NPC2: variants seen among roughly 807,000 people sequenced by gnomAD.
NPC2 encodes the protein NPC intracellular cholesterol transporter 2.
A neutral mutation model predicts 17.0 loss-of-function variants in NPC2; 14 were observed. The ratio of observed to expected loss-of-function variants is 0.82; its 90% CI spans 0.54 to 1.29. NPC2 has a LOEUF of 1.29. Among genes scored for constraint, NPC2 ranks in the 50% most tolerant of loss-of-function variants. The pLI is 0.00. For synonymous variants in NPC2, 75 were observed against 69.3 expected (o/e 1.08, Z -0.41); for missense variants, 167 against 183.4 (o/e 0.91, Z 0.52).
intron 1 of NPC2, among the ~76,000 whole-genome samples, chr14:74,490,301 A>C (rs2086757648): frequency 6.6e-6 from 1 of 152,214 alleles, no homozygotes; most frequent in African/African-American, 2.4e-5. Context: ...CACACTGACC[A>C]ACACTGCTCC....
At chr14:74,482,971 A>C in intron 3 of NPC2, 1 of 687,282 alleles carries the variant, frequency 1.5e-6, no homozygotes, top group Non-Finnish European at 2.7e-6. Context: ...AACAGACCAC[A>C]TCACGGGTGA....
chr14:74,487,708 T>C (rs1486208316), intron 1 of NPC2, among the ~76,000 whole-genome samples: 1 of 152,236 alleles, frequency 6.6e-6, no homozygotes, highest in Non-Finnish European at 1.5e-5. Context: ...TCTGCTATTA[T>C]TGCTTGGAAA....
chr14:74,493,309 C>G (rs1412296003), upstream of NPC2: 1 of 1,602,464 alleles, frequency 6.2e-7, no homozygotes, highest in South Asian at 1.1e-5. This position sits in a 1 kb window ranked among gnomAD's most constrained non-coding sequence, Gnocchi z 4.1. Flanking sequence ...GGGAAAGAAG[C>G]AGCGGCCGCC....
chr14:74,487,159 C>T (rs1036117250), intron 1 of NPC2, among the ~76,000 whole-genome samples: 1 of 152,060 alleles, frequency 6.6e-6, no homozygotes, highest in Non-Finnish European at 1.5e-5. Flanking sequence ...CTATGTTGGC[C>T]AGGATGGTCT....
intron 3 of NPC2, among the ~76,000 whole-genome samples, chr14:74,484,143 T>C (rs1408815810): frequency 6.6e-6 from 1 of 152,354 alleles, no homozygotes; most frequent in African/African-American, 2.4e-5. Context: ...ACAGTTCTTA[T>C]GTATGATTAA....
At chr14:74,481,669 G>A (rs2086656886) in intron 3 of NPC2, among the ~76,000 whole-genome samples, 1 of 152,230 alleles carries the variant, frequency 6.6e-6, no homozygotes, top group South Asian at 2.1e-4. Context: ...AGAGAAGTCT[G>A]TAGCTGTATG....
Position 74,493,131 on chromosome 14 carries a change from G to T in NPC2, c.82+62C>A. 6.4e-7 allele frequency: 1 copy of T among 1,552,066 alleles called. No individual in the cohort carries two copies. The highest frequency in any genetic ancestry group is 8.7e-7 in the Non-Finnish European group (1 of 1,146,282). On this transcript the variant is annotated intron_variant, in intron 1 of 4. Coordinates refer to ENST00000555619, the MANE Select transcript of NPC2 (RefSeq NM_006432.5). The surrounding 1 kb of genome is among the most constrained non-coding windows in gnomAD (Gnocchi z 4.1). ...CCAGCCCAGCCCCAGGGGTCTCAGC[G>T]CGGGGGTCCGGCGGGGCCTTCCACA...
At chr14:74,488,012 G>C (rs1388037546) in intron 1 of NPC2, among the ~76,000 whole-genome samples, 2 of 152,206 alleles carry the variant, frequency 1.3e-5, no homozygotes, top group Non-Finnish European at 2.9e-5. Flanking sequence ...CTTGTTACCG[G>C]AACCTGAAAG....
intron 3 of NPC2, among the ~76,000 whole-genome samples, chr14:74,482,148 A>G (rs975073867): frequency 1.3e-5 from 2 of 152,190 alleles, no homozygotes; most frequent in Admixed American, 6.5e-5. Flanking sequence ...AGACATGCCC[A>G]TGGTTATGTG....
At chr14:74,484,362 A>C in intron 3 of NPC2, 53 bp downstream of exon 3, 1 of 1,593,570 alleles carries the variant, frequency 6.3e-7, no homozygotes, top group Non-Finnish European at 8.6e-7. Flanking sequence ...CTGCCCTCAG[A>C]ACTCTAATCC....
At chr14:74,486,608 A>C (rs1186291095) in intron 1 of NPC2, among the ~76,000 whole-genome samples, 172 bp from the exon 2 acceptor site, 1 of 152,228 alleles carries the variant, frequency 6.6e-6, no homozygotes, top group Non-Finnish European at 1.5e-5. Flanking sequence ...AGAAGTCAGA[A>C]TCTTGATTCA....
At chr14:74,490,475 C>T (rs1229375632) in intron 1 of NPC2, among the ~76,000 whole-genome samples, 4 of 152,198 alleles carry the variant, frequency 2.6e-5, no homozygotes, top group South Asian at 2.1e-4. Flanking sequence ...AAAGAAATCC[C>T]GAACTTCAAT....
At chr14:74,493,448 C>G, upstream of NPC2, 1 of 1,463,138 alleles carries the variant, frequency 6.8e-7, no homozygotes, top group Admixed American at 2.0e-5. The surrounding 1 kb of genome is among the most constrained non-coding windows in gnomAD (Gnocchi z 4.1). Context: ...CTCCAGCCCT[C>G]TCAGGCCCAG....
chr14:74,485,093 G>C (rs2139668746), intron 2 of NPC2, among the ~76,000 whole-genome samples: 2 of 152,000 alleles, frequency 1.3e-5, no homozygotes, highest in Middle Eastern at 6.8e-3. Context: ...TCAGGAGTTT[G>C]AGACCAGCCT....
intron 1 of NPC2, among the ~76,000 whole-genome samples, chr14:74,491,063 T>C (rs1269867374): frequency 1.3e-5 from 2 of 152,114 alleles, no homozygotes; most frequent in Non-Finnish European, 2.9e-5. Context: ...GAGGATGGAA[T>C]GAGTTATTTT....
chr14:74,480,335 C>A (rs748058748), intron 4 of NPC2, 47 bp from the exon 5 acceptor site: 1 of 1,518,856 alleles, frequency 6.6e-7, no homozygotes, highest in East Asian at 2.3e-5. Flanking sequence ...TGGAACCTTT[C>A]CTCCACTGTC....
At chr14:74,493,361 A>G, upstream of NPC2, 1 of 1,557,354 alleles carries the variant, frequency 6.4e-7, no homozygotes, top group Non-Finnish European at 8.7e-7. This position sits in a 1 kb window ranked among gnomAD's most constrained non-coding sequence, Gnocchi z 4.1. Context: ...CCCGGGGAGG[A>G]GCCCAGTCAG....
chr14:74,484,312 A>C, intron 3 of NPC2, 103 bp downstream of exon 3: 1 of 1,223,614 alleles, frequency 8.2e-7, no homozygotes. Context: ...TTCATCATAG[A>C]GATAAGGGGC....
At chr14:74,488,724 A>G (rs2086739809) in intron 1 of NPC2, among the ~76,000 whole-genome samples, 1 of 152,112 alleles carries the variant, frequency 6.6e-6, no homozygotes, top group African/African-American at 2.4e-5. Context: ...AAAAAATAAA[A>G]TAAAATAAAA....
Sources: gnomAD v4.1 joint callset for allele counts (sites outside exome capture counted in the v4.1 genomes callset) on GRCh38, gnomAD v4.1.1 for gene constraint, Gnocchi (gnomAD v3.1) non-coding constraint, MANE v1.5 for transcripts, NCBI Gene and HGNC (gene_info 2026-07-23, HGNC 2026-07-21) for gene names.